CSMD1: variants seen among roughly 807,000 people sequenced by gnomAD.
CSMD1 encodes CUB and Sushi multiple domains 1, also known as CUB and sushi domain-containing protein 1.
A neutral mutation model predicts 417.5 loss-of-function variants in CSMD1; 213 were observed. The observed-to-expected ratio is 0.51, with a 90% CI of 0.46 to 0.57. CSMD1 has a LOEUF of 0.57. Among genes scored for constraint, CSMD1 ranks in the 20% least tolerant of loss-of-function variants. CSMD1 has a pLI of 0.00. For synonymous variants in CSMD1, 2,862 were observed against 1,736.8 expected (o/e 1.65, Z -16.11); for missense variants, 6,923 against 4,529.7 (o/e 1.53, Z -15.17).
intron 51 of CSMD1, among the ~76,000 whole-genome samples, chr8:3,026,045 G>C (rs1023332115): frequency 2.6e-5 from 4 of 152,114 alleles, no homozygotes; most frequent in Non-Finnish European, 5.9e-5. Flanking sequence ...CCCTGAGTGA[G>C]GGCAGAACTC....
At chr8:3,916,926 T>A (rs1215748575) in intron 5 of CSMD1, among the ~76,000 whole-genome samples, 1 of 151,968 alleles carries the variant, frequency 6.6e-6, no homozygotes, top group Non-Finnish European at 1.5e-5. Context: ...ATAACAATAA[T>A]AATCTGCACT....
At chr8:4,630,022 G>T (rs1802411280) in intron 2 of CSMD1, among the ~76,000 whole-genome samples, 1 of 151,936 alleles carries the variant, frequency 6.6e-6, no homozygotes. Flanking sequence ...GCCCATATTA[G>T]TATGGTTTTG....
At chr8:4,274,869 C>G (rs1235956935) in intron 3 of CSMD1, among the ~76,000 whole-genome samples, 2 of 152,096 alleles carry the variant, frequency 1.3e-5, no homozygotes, top group Non-Finnish European at 2.9e-5. Context: ...TTCCCAGACT[C>G]AAGTACCCAA....
intron 3 of CSMD1, among the ~76,000 whole-genome samples, chr8:4,126,979 G>C (rs902278765): frequency 6.6e-6 from 1 of 152,054 alleles, no homozygotes; most frequent in Non-Finnish European, 1.5e-5. Flanking sequence ...AGCTGATGCT[G>C]GTGCACATTC....
chr8:3,274,138 C>T (rs960931598), intron 26 of CSMD1, among the ~76,000 whole-genome samples: 5 of 151,840 alleles, frequency 3.3e-5, no homozygotes, highest in Admixed American at 1.3e-4. Context: ...TCTTTGTTCT[C>T]GTTGGTTTCA....
rs577628293 is a variant in CSMD1 at position 3,585,046 on chromosome 8, G to C, written c.1222+1090C>G. ...GTCTCCATTTAAGAGGTGACAACTC[G>C]CTATCAGCTGGGCCATACACCCTCC... On this transcript the variant is annotated intron_variant, in intron 9 of 69. Coordinates refer to ENST00000635120, the MANE Select transcript of CSMD1 (RefSeq NM_033225.6). 7.0e-4 allele frequency among the ~76,000 whole-genome samples: 107 copies of C among 152,220 alleles called. No individual in the cohort carries two copies. The South Asian group carries it at 0.021, about 30-fold the overall frequency.
rs563720427 is a variant in CSMD1, at chr8:4,041,729, G to C, written c.416-9630C>G. 1.3e-4 allele frequency among the ~76,000 whole-genome samples: 20 copies of C among 152,230 alleles called. No individual in the cohort carries two copies. In the South Asian group the frequency reaches 2.1e-3, roughly 16 times the overall value. Reference sequence around the variant, plus strand: ...CAACATTAAAACTGTTATTAGAACTGTATGCCCTGTTCTCAGTCAGGTGAT... The same window carrying C: ...CAACATTAAAACTGTTATTAGAACTCTATGCCCTGTTCTCAGTCAGGTGAT... On this transcript the variant is annotated intron_variant, in intron 3 of 69. Coordinates refer to ENST00000635120, the MANE Select transcript of CSMD1 (RefSeq NM_033225.6).
intron 1 of CSMD1, among the ~76,000 whole-genome samples, chr8:4,765,668 G>A (rs1423564650): frequency 6.6e-6 from 1 of 152,180 alleles, no homozygotes; most frequent in Admixed American, 6.5e-5. Context: ...CAAACTTGCT[G>A]TGCTGGAGCA....
chr8:4,157,094 A>G (rs549902074), intron 3 of CSMD1, among the ~76,000 whole-genome samples: 2 of 152,308 alleles, frequency 1.3e-5, no homozygotes, highest in Admixed American at 6.5e-5. Flanking sequence ...CAGGGTGACA[A>G]ATCTCACTGC....
At chr8:4,085,495 C>T (rs770910103) in intron 3 of CSMD1, among the ~76,000 whole-genome samples, 10 of 152,136 alleles carry the variant, frequency 6.6e-5, no homozygotes, top group Non-Finnish European at 1.3e-4. Flanking sequence ...TTGGATACTC[C>T]AATTCTTTCC....
chr8:3,873,556 G>T (rs372802439), intron 5 of CSMD1, among the ~76,000 whole-genome samples: 1 of 152,104 alleles, frequency 6.6e-6, no homozygotes, highest in African/African-American at 2.4e-5. Flanking sequence ...CTACTGCAGG[G>T]TGGACGGTGG....
chr8:3,738,953 C>A (rs1429531604), intron 6 of CSMD1, among the ~76,000 whole-genome samples: 1 of 152,138 alleles, frequency 6.6e-6, no homozygotes, highest in Non-Finnish European at 1.5e-5. Context: ...TATTTGTATG[C>A]ACAAAAAGGT....
chr8:4,236,950 C>T lies in CSMD1; in HGVS notation c.415+183003G>A, dbSNP rs550666314. On this transcript the variant is annotated intron_variant, in intron 3 of 69. Coordinates refer to ENST00000635120, the MANE Select transcript of CSMD1 (RefSeq NM_033225.6). ...TCAGAAACAAGTTCAAGTTCAGTTT[C>T]CTCAGGAAGCAGTTACACTGAGGAC... Among the ~76,000 whole-genome samples, 13 of 152,312 alleles carry T rather than the reference C, an allele frequency of 8.5e-5. No homozygotes were observed. The South Asian group carries it at 1.7e-3, about 19-fold the overall frequency.
At chr8:4,562,506 G>T (rs772616269) in intron 2 of CSMD1, among the ~76,000 whole-genome samples, 5 of 152,046 alleles carry the variant, frequency 3.3e-5, no homozygotes, top group Admixed American at 6.5e-5. Flanking sequence ...AAACAAACCT[G>T]GAGTCAGTAA....
At chr8:3,917,864 T>A (rs772024956) in intron 5 of CSMD1, among the ~76,000 whole-genome samples, 1 of 152,156 alleles carries the variant, frequency 6.6e-6, no homozygotes, top group Non-Finnish European at 1.5e-5. Flanking sequence ...TTAGAAATTT[T>A]AGGCCTTTAA....
chr8:3,254,856 C>T (rs987565953), intron 26 of CSMD1, among the ~76,000 whole-genome samples: 1 of 152,088 alleles, frequency 6.6e-6, no homozygotes, highest in South Asian at 2.1e-4. Flanking sequence ...AGTCTGAAGC[C>T]TTCTTCTCTC....
At chr8:4,110,875 A>C (rs778716625) in intron 3 of CSMD1, among the ~76,000 whole-genome samples, 8 of 152,056 alleles carry the variant, frequency 5.3e-5, no homozygotes, top group Non-Finnish European at 1.2e-4. Flanking sequence ...AGAGTACTGA[A>C]ATATTATTTT....
chr8:3,922,785 C>T (rs139745152), intron 5 of CSMD1, among the ~76,000 whole-genome samples: 105 of 152,106 alleles, frequency 6.9e-4, no homozygotes, highest in African/African-American at 2.5e-3. Flanking sequence ...TTTGTCTGTA[C>T]TTTTAAAACT....
chr8:3,248,703 T>A (rs1053567365), intron 26 of CSMD1, among the ~76,000 whole-genome samples: 1 of 152,020 alleles, frequency 6.6e-6, no homozygotes, highest in African/African-American at 2.4e-5. Flanking sequence ...TTTGGTAAAT[T>A]TCTATTATTT....
Sources: gnomAD v4.1 joint callset for allele counts (sites outside exome capture counted in the v4.1 genomes callset) on GRCh38, gnomAD v4.1.1 for gene constraint, MANE v1.5 for transcripts, NCBI Gene and HGNC (gene_info 2026-07-23, HGNC 2026-07-21) for gene names.